The following ENOX1 variants were observed in gnomAD, a reference collection of about 807,000 sequenced individuals.
The protein encoded by ENOX1 is ecto-NOX disulfide-thiol exchanger 1.
A neutral mutation model predicts 82.5 loss-of-function variants in ENOX1; 42 were observed. The observed-to-expected ratio is 0.51, with a 90% CI of 0.40 to 0.66. The LOEUF (loss-of-function observed/expected upper bound fraction) is 0.66, where lower values mean the gene tolerates loss of function less well. Ranked by LOEUF, ENOX1 falls within the 30% of genes least tolerant of loss-of-function variation. ENOX1 has a pLI of 0.00. For synonymous variants in ENOX1, 271 were observed against 282.2 expected (o/e 0.96, Z 0.40); for missense variants, 608 against 811.6 (o/e 0.75, Z 3.05).
intron 1 of ENOX1, among the ~76,000 whole-genome samples, chr13:43,758,426 A>T (rs1311438322): frequency 3.3e-5 from 5 of 151,640 alleles, no homozygotes; most frequent in Non-Finnish European, 7.4e-5. Context: ...GACATGACAA[A>T]ATTATAGAAA....
chr13:43,383,341 C>T (rs1425335740), intron 5 of ENOX1, among the ~76,000 whole-genome samples: 1 of 152,160 alleles, frequency 6.6e-6, no homozygotes, highest in Non-Finnish European at 1.5e-5. Flanking sequence ...AAGAAAAACA[C>T]AGATGGCTCA....
chr13:43,466,131 C>T (rs977536749), intron 3 of ENOX1, among the ~76,000 whole-genome samples: 1 of 150,850 alleles, frequency 6.6e-6, no homozygotes, highest in Admixed American at 6.6e-5. Flanking sequence ...GCTCTATAAT[C>T]TGTTGTGGGA....
intron 2 of ENOX1, among the ~76,000 whole-genome samples, chr13:43,505,038 A>AC (rs1415188478): frequency 6.6e-6 from 1 of 151,758 alleles, no homozygotes; most frequent in Non-Finnish European, 1.5e-5. Context: ...GATAGTACTG[A>AC]CTTTTTTAGG....
At chr13:43,579,502 G>A (rs2080605049) in intron 2 of ENOX1, among the ~76,000 whole-genome samples, 1 of 152,174 alleles carries the variant, frequency 6.6e-6, no homozygotes, top group African/African-American at 2.4e-5. Context: ...ATATCCAGCA[G>A]ATGCATTTCT....
rs572739267 is a variant in ENOX1 at position 43,481,618 on chromosome 13, A to C, written c.-75+2391T>G. ...TGGTCTTGGCTGTGATTTCTTAGATATCACAAGAAAAGAACAGGTAACAAA... is the reference window on the plus strand; with the variant it reads ...TGGTCTTGGCTGTGATTTCTTAGATCTCACAAGAAAAGAACAGGTAACAAA... On this transcript the variant is annotated intron_variant, in intron 3 of 16. Coordinates refer to ENST00000690772, the MANE Select transcript of ENOX1 (RefSeq NM_001347969.2). Among the ~76,000 whole-genome samples the C allele has an allele frequency of 9.2e-4, 140 of 152,302 alleles. 1 individual carries two copies. The highest frequency in any genetic ancestry group is 3.3e-3 in the African/African-American group (138 of 41,576).
At chr13:43,334,629 T>C (rs1022077301) in intron 9 of ENOX1, among the ~76,000 whole-genome samples, 1 of 151,994 alleles carries the variant, frequency 6.6e-6, no homozygotes, top group Non-Finnish European at 1.5e-5. Context: ...AAGCCAAACA[T>C]TGGAGGTTAT....
intron 7 of ENOX1, 126 bp from the exon 8 acceptor site, chr13:43,356,278 C>T: frequency 2.6e-6 from 2 of 765,646 alleles, no homozygotes; most frequent in Non-Finnish European, 4.2e-6. Context: ...ATACATTTCC[C>T]ATAGGAAGCG....
intron 2 of ENOX1, among the ~76,000 whole-genome samples, chr13:43,527,158 A>G (rs528538686): frequency 6.6e-6 from 1 of 151,694 alleles, no homozygotes; most frequent in Non-Finnish European, 1.5e-5. Flanking sequence ...ACACACGGCA[A>G]GACAGAACCT....
At chr13:43,572,455 G>T (rs2080227195) in intron 2 of ENOX1, among the ~76,000 whole-genome samples, 1 of 152,160 alleles carries the variant, frequency 6.6e-6, no homozygotes, top group Non-Finnish European at 1.5e-5. Context: ...AGGTGAAGAG[G>T]GTTTCCAGGC....
chr13:43,755,950 T>TA (rs1276409194), intron 1 of ENOX1, among the ~76,000 whole-genome samples: 2 of 152,134 alleles, frequency 1.3e-5, no homozygotes, highest in Non-Finnish European at 2.9e-5. Flanking sequence ...AATAAAGAAA[T>TA]ACCTTACTAA....
chr13:43,483,212 C>T (rs1428622581), intron 3 of ENOX1, among the ~76,000 whole-genome samples: 1 of 152,176 alleles, frequency 6.6e-6, no homozygotes, highest in Non-Finnish European at 1.5e-5. Flanking sequence ...ATTTAGTTTT[C>T]ATCCACTCAA....
intron 11 of ENOX1, among the ~76,000 whole-genome samples, chr13:43,304,018 G>A (rs2046727565): frequency 6.6e-6 from 1 of 152,158 alleles, no homozygotes; most frequent in African/African-American, 2.4e-5. Flanking sequence ...TTGTCATTCT[G>A]GTTTTATTCC....
intron 3 of ENOX1, among the ~76,000 whole-genome samples, chr13:43,477,691 A>G (rs897917514): frequency 2.6e-5 from 4 of 152,070 alleles, no homozygotes; most frequent in Non-Finnish European, 4.4e-5. Flanking sequence ...CTCATACACT[A>G]TTTATTTGAG....
intron 3 of ENOX1, among the ~76,000 whole-genome samples, chr13:43,416,644 A>G (rs2054599036): frequency 7.0e-6 from 1 of 143,582 alleles, no homozygotes; most frequent in Admixed American, 7.1e-5. Flanking sequence ...CTCACATCCC[A>G]GACCGGGTGG....
intron 1 of ENOX1, among the ~76,000 whole-genome samples, chr13:43,734,036 G>A (rs776400466): frequency 2.0e-5 from 3 of 152,170 alleles, no homozygotes; most frequent in Non-Finnish European, 2.9e-5. Flanking sequence ...TGGAAGCAAA[G>A]ATTGAAGTGC....
chr13:43,610,979 A>G (rs1424323326), intron 2 of ENOX1, among the ~76,000 whole-genome samples: 2 of 152,212 alleles, frequency 1.3e-5, no homozygotes, highest in Middle Eastern at 3.2e-3. Context: ...AAAATATTCA[A>G]TAGAGAGAGT....
chr13:43,655,358 T>C (rs1235735595), intron 2 of ENOX1, among the ~76,000 whole-genome samples: 1 of 140,788 alleles, frequency 7.1e-6, no homozygotes, highest in Non-Finnish European at 1.5e-5. Context: ...TTGCTTTTTG[T>C]TTTTTTTGGA....
At chr13:43,640,937 C>T (rs977416143) in intron 2 of ENOX1, among the ~76,000 whole-genome samples, 4 of 144,774 alleles carry the variant, frequency 2.8e-5, no homozygotes, top group Admixed American at 7.0e-5. Context: ...CACACACACA[C>T]GTAACCTACA....
At chr13:43,514,899 C>T (rs565217548) in intron 2 of ENOX1, among the ~76,000 whole-genome samples, 1 of 152,116 alleles carries the variant, frequency 6.6e-6, no homozygotes, top group South Asian at 2.1e-4. Flanking sequence ...ACTGTAGCCC[C>T]CCCTTCCTAA....
Sources: allele counts gnomAD v4.1 joint callset (sites outside exome capture counted in the v4.1 genomes callset), GRCh38; gene constraint gnomAD v4.1.1; transcripts MANE v1.5; gene names NCBI Gene and HGNC (gene_info 2026-07-23, HGNC 2026-07-21).